The following PPP2R2B variants were observed in gnomAD, a reference collection of about 807,000 sequenced individuals.
PPP2R2B encodes the protein protein phosphatase 2 regulatory subunit Bbeta.
In PPP2R2B, 5 loss-of-function variants were observed where a neutral mutation model predicts 46.0. The ratio of observed to expected loss-of-function variants is 0.11; its 90% CI spans 0.06 to 0.23. PPP2R2B has a LOEUF of 0.23. Ranked by LOEUF, PPP2R2B falls within the 10% of genes least tolerant of loss-of-function variation. The pLI is 1.00. For missense variants in PPP2R2B, 367 were observed against 575.0 expected (o/e 0.64, Z 3.70); for synonymous variants, 215 against 206.7 (o/e 1.04, Z -0.34).
At chr5:146,638,499 T>C in intron 6 of PPP2R2B, 84 bp from the exon 7 acceptor site, 3 of 1,278,302 alleles carry the variant, frequency 2.3e-6, no homozygotes, top group East Asian at 2.4e-5. Context: ...CACCATCTTA[T>C]ATTAGTAAAA....
At chr5:146,896,666 T>G (rs1431799471) in intron 1 of PPP2R2B, among the ~76,000 whole-genome samples, 1 of 152,192 alleles carries the variant, frequency 6.6e-6, no homozygotes, top group Non-Finnish European at 1.5e-5. Flanking sequence ...TTGTTTAATT[T>G]TTTAAGCCCA....
At chr5:146,974,856 T>C (rs777591020) in intron 1 of PPP2R2B, among the ~76,000 whole-genome samples, 6 of 151,800 alleles carry the variant, frequency 4.0e-5, no homozygotes, top group Non-Finnish European at 7.4e-5. Context: ...ACCTGGCTAA[T>C]TTTTTTGTGT....
At chr5:146,759,799 A>C (rs745671791) in intron 2 of PPP2R2B, among the ~76,000 whole-genome samples, 3 of 151,936 alleles carry the variant, frequency 2.0e-5, no homozygotes, top group Non-Finnish European at 2.9e-5. Context: ...AAGAACAGGA[A>C]GTGCTGGTAT....
Position 146,870,462 on chromosome 5 carries a change from G to T in PPP2R2B, c.70+7540C>A, listed in dbSNP as rs1761551159. 2.6e-5 allele frequency among the ~76,000 whole-genome samples: 4 copies of T among 152,166 alleles called. No homozygotes were observed. In the South Asian group the frequency reaches 8.3e-4, roughly 32 times the overall value. On this transcript the variant is annotated intron_variant, in intron 2 of 9. Transcript: ENST00000394411. ...CATATGAGGACCCAGCAAGAAGTTG[G>T]CTATACATGGGAAGAGAGAACTCAC...
chr5:146,962,604 C>T (rs547187471), intron 1 of PPP2R2B, among the ~76,000 whole-genome samples: 1 of 151,858 alleles, frequency 6.6e-6, no homozygotes, highest in South Asian at 2.1e-4. Context: ...TTGCAGTGAG[C>T]CAAGATCACG....
intron 1 of PPP2R2B, among the ~76,000 whole-genome samples, chr5:146,930,801 T>C (rs1763943823): frequency 6.6e-6 from 1 of 152,216 alleles, no homozygotes; most frequent in Admixed American, 6.5e-5. Flanking sequence ...GATATTAGAA[T>C]TTTATGTCTA....
rs116146276 is a variant in PPP2R2B, at chr5:146,843,324, G to A, written c.70+34678C>T. Among the ~76,000 whole-genome samples the A allele has an allele frequency of 5.2e-3, 790 of 152,268 alleles. 6 individuals carry two copies. Among genetic ancestry groups the A allele is most frequent in the African/African-American group, 0.018 (746 of 41,554 alleles). Reference sequence around the variant, plus strand: ...CCTACTGAGCACTATACAAGGTGAAGTACATAAATCCAGACTTGGAAGCTT... The same window carrying A: ...CCTACTGAGCACTATACAAGGTGAAATACATAAATCCAGACTTGGAAGCTT... On this transcript the variant is annotated intron_variant, in intron 2 of 9. Transcript: ENST00000394411.
intron 7 of PPP2R2B, among the ~76,000 whole-genome samples, chr5:146,626,063 T>C (rs1390743569): frequency 6.6e-6 from 1 of 152,244 alleles, no homozygotes; most frequent in African/African-American, 2.4e-5. Context: ...ACCTTGATTT[T>C]AGACAGTGAG....
At chr5:146,974,331 G>A (rs756539423) in intron 1 of PPP2R2B, among the ~76,000 whole-genome samples, 1 of 152,112 alleles carries the variant, frequency 6.6e-6, no homozygotes, top group Non-Finnish European at 1.5e-5. Flanking sequence ...CAGCCATGAG[G>A]CAGGGTTCAT....
At chr5:146,788,986 G>GA (rs1756021549) in intron 2 of PPP2R2B, among the ~76,000 whole-genome samples, 1 of 151,876 alleles carries the variant, frequency 6.6e-6, no homozygotes, top group Non-Finnish European at 1.5e-5. Flanking sequence ...TGAATAAAAT[G>GA]AAAAAAGGGC....
intron 1 of PPP2R2B, among the ~76,000 whole-genome samples, chr5:146,959,952 C>G (rs1483530935): frequency 6.6e-6 from 1 of 152,152 alleles, no homozygotes; most frequent in African/African-American, 2.4e-5. Context: ...GCATTTTGAA[C>G]CTGACTCTGA....
At chr5:146,909,740 T>C (rs1763115991) in intron 1 of PPP2R2B, among the ~76,000 whole-genome samples, 1 of 152,162 alleles carries the variant, frequency 6.6e-6, no homozygotes, top group Non-Finnish European at 1.5e-5. Context: ...TCTTTTCCAG[T>C]CTGCTGGTTC....
intron 2 of PPP2R2B, among the ~76,000 whole-genome samples, chr5:146,852,583 C>A (rs933308729): frequency 1.3e-5 from 2 of 152,086 alleles, no homozygotes; most frequent in African/African-American, 4.8e-5. Context: ...ATTGTGGTTC[C>A]GCCTACTGTA....
At chr5:146,803,477 C>T (rs771782164) in intron 2 of PPP2R2B, among the ~76,000 whole-genome samples, 5 of 151,902 alleles carry the variant, frequency 3.3e-5, no homozygotes, top group East Asian at 3.9e-4. Context: ...AGTTTTAATT[C>T]GGCATTTAAT....
chr5:146,818,126 G>A (rs533307715), intron 2 of PPP2R2B, among the ~76,000 whole-genome samples: 1 of 152,090 alleles, frequency 6.6e-6, no homozygotes, highest in East Asian at 1.9e-4. Context: ...CCATTACAGA[G>A]GAGCCATCCT....
At chr5:147,025,058 AAG>A (rs978385639) in intron 1 of PPP2R2B, among the ~76,000 whole-genome samples, 41 of 152,050 alleles carry the variant, frequency 2.7e-4, no homozygotes, top group Non-Finnish European at 3.2e-4. Context: ...GAAAAAGAGA[AAG>A]AGAAAAAAAA....
At chr5:146,903,975 C>T (rs567748702) in intron 1 of PPP2R2B, among the ~76,000 whole-genome samples, 1 of 152,224 alleles carries the variant, frequency 6.6e-6, no homozygotes, top group East Asian at 1.9e-4. Flanking sequence ...ATTATATTGT[C>T]ATCTTCTAAA....
In PPP2R2B at chr5:146,585,582, G is replaced by T. The variant is rs920779771; in HGVS notation, c.*4365C>A. The stretch of plus-strand genomic sequence containing the variant: ...CTGGCTTTAGAGTCAGATACCTTGA[G>T]TTGGAGTCCTGGTTCCATCTCTCTC... On this transcript the variant is annotated 3_prime_UTR_variant, in exon 10 of 10. Coordinates refer to ENST00000394411, the MANE Select transcript of PPP2R2B (RefSeq NM_181675.4). 4.6e-5 allele frequency: 7 copies of T among 152,200 alleles called. No individual in the cohort carries two copies. Among genetic ancestry groups the T allele is most frequent in the Non-Finnish European group, 1.0e-4 (7 of 68,034 alleles). The allele number at this position is 152,200 out of a possible 1,614,324, so 9.4% of individuals were successfully genotyped here. A position where few individuals can be genotyped will look rare whatever the true frequency, so the allele number is the denominator to read the frequency against.
At position 146,878,310 on chromosome 5, in the gene PPP2R2B, C is replaced by G; in HGVS notation, c.-124-115G>C. 1 of 1,444,978 alleles carries G rather than the reference C, an allele frequency of 6.9e-7. No homozygotes were observed. The highest frequency in any genetic ancestry group is 9.0e-7 in the Non-Finnish European group (1 of 1,105,706). The allele number at this position is 1,444,978 out of a possible 1,614,324, so 89.5% of individuals were successfully genotyped here. On this transcript the variant is annotated intron_variant, in intron 1 of 9. Transcript: ENST00000394411. This position sits in a 1 kb window ranked among gnomAD's most constrained non-coding sequence, Gnocchi z 4.5. Reference sequence around the variant, plus strand: ...GGCGGCTCCTCCCGCGCGGTGCGCTCACTCCAGCTCCAGTTCCCAGCGAGG... The same window carrying G: ...GGCGGCTCCTCCCGCGCGGTGCGCTGACTCCAGCTCCAGTTCCCAGCGAGG...
Sources: gnomAD v4.1 joint callset for allele counts (sites outside exome capture counted in the v4.1 genomes callset) on GRCh38, gnomAD v4.1.1 for gene constraint, Gnocchi (gnomAD v3.1) non-coding constraint, MANE v1.5 for transcripts, NCBI Gene and HGNC (gene_info 2026-07-23, HGNC 2026-07-21) for gene names.